The following GRM7 variants were observed in gnomAD, a reference collection of about 807,000 sequenced individuals.
GRM7 encodes metabotropic glutamate receptor 7.
Under a neutral mutation model 84.5 loss-of-function variants are expected in GRM7, and 35 were observed. The observed-to-expected ratio is 0.41, with a 90% CI of 0.32 to 0.55. The LOEUF is 0.55. GRM7 is among the 20% of genes least tolerant of loss of function. The pLI is 0.19. For synonymous variants in GRM7, 487 were observed against 455.1 expected (o/e 1.07, Z -0.89); for missense variants, 1,003 against 1,194.6 (o/e 0.84, Z 2.36).
At chr3:7,020,536 C>G (rs995124742) in intron 1 of GRM7, among the ~76,000 whole-genome samples, 2 of 152,118 alleles carry the variant, frequency 1.3e-5, no homozygotes, top group African/African-American at 4.8e-5. Context: ...CAACCCATAC[C>G]TACTGACATA....
rs78836892 is a variant in GRM7, at chr3:7,016,181, A to C, written c.520-130271A>C. ...TAGCTGAATGCATGGCCTTAGGTAA[A>C]TTACTTTCTTTCTTTGGGTCACATT... On this transcript the variant is annotated intron_variant, in intron 1 of 9. Coordinates refer to ENST00000357716, the MANE Select transcript of GRM7 (RefSeq NM_000844.4). 9.2e-3 allele frequency among the ~76,000 whole-genome samples: 1,403 copies of C among 152,258 alleles called. 19 individuals carry two copies. The highest frequency in any genetic ancestry group is 0.014 in the Non-Finnish European group (976 of 68,030).
At chr3:7,731,904 A>G (rs1702345795) in intron 9 of GRM7, among the ~76,000 whole-genome samples, 1 of 151,984 alleles carries the variant, frequency 6.6e-6, no homozygotes, top group Non-Finnish European at 1.5e-5. Flanking sequence ...GTCCCAACCA[A>G]TCAGCAGCAA....
Position 7,566,103 on chromosome 3 carries a change from GTTTTTTTTTTTTTTTTTT to G in GRM7, c.1516-12307_1516-12290del, listed in dbSNP as rs58178956. Among the ~76,000 whole-genome samples, 3 of 130,024 alleles carry G rather than the reference GTTTTTTTTTTTTTTTTTT, an allele frequency of 2.3e-5. No individual in the cohort carries two copies. In the East Asian group the frequency reaches 6.3e-4, roughly 27 times the overall value. The allele number at this position is 130,024 out of a possible 152,430, so 85.3% of individuals were successfully genotyped here. A position where few individuals can be genotyped will look rare whatever the true frequency, so the allele number is the denominator to read the frequency against. The stretch of plus-strand genomic sequence containing the variant: ...TGTTTTCTTTGGCTCTGAATCAGCT[GTTTTTTTTTTTTTTTTTT>G]TTTTTTTTTTTGTAAAAGATCAGAG... On this transcript the variant is annotated intron_variant, in intron 7 of 9. Transcript: ENST00000357716.
chr3:7,725,338 C>G (rs763255975), intron 9 of GRM7, among the ~76,000 whole-genome samples: 97 of 152,184 alleles, frequency 6.4e-4, no homozygotes, highest in Admixed American at 1.2e-3. Flanking sequence ...ACTGCCTCCA[C>G]AGCCTCTTTT....
At chr3:7,665,397 G>T (rs535081476) in intron 8 of GRM7, among the ~76,000 whole-genome samples, 1 of 151,652 alleles carries the variant, frequency 6.6e-6, no homozygotes, top group Non-Finnish European at 1.5e-5. Flanking sequence ...GGATGGTCTC[G>T]ATCTCCTGAC....
Position 7,613,346 on chromosome 3 carries a change from T to C in GRM7, c.2451+33989T>C, listed in dbSNP as rs140332028. On this transcript the variant is annotated intron_variant, in intron 8 of 9. Transcript: ENST00000357716. ...TTCAAAATTCCAGCCCTAACGTACA[T>C]ATGTCATGCATATTTCAACAAGATT... is the stretch of plus-strand genomic sequence containing the variant. Among the ~76,000 whole-genome samples the C allele has an allele frequency of 4.1e-4, 62 of 152,330 alleles. No individual in the cohort carries two copies. The East Asian group carries it at 9.5e-3, about 23-fold the overall frequency.
At chr3:7,415,907 T>G (rs1696140020) in intron 5 of GRM7, among the ~76,000 whole-genome samples, 1 of 152,142 alleles carries the variant, frequency 6.6e-6, no homozygotes, top group Admixed American at 6.6e-5. Context: ...GTTCTGAGTG[T>G]TATGAGGGCA....
intron 7 of GRM7, among the ~76,000 whole-genome samples, chr3:7,573,278 A>T (rs1304678358): frequency 6.6e-6 from 1 of 152,092 alleles, no homozygotes; most frequent in East Asian, 1.9e-4. Context: ...TCTTTTTTTT[A>T]AATTAGCTGA....
intron 2 of GRM7, among the ~76,000 whole-genome samples, chr3:7,167,739 G>T (rs915550667): frequency 2.6e-5 from 4 of 151,916 alleles, no homozygotes; most frequent in African/African-American, 7.2e-5. Context: ...GGAGGCCGAG[G>T]CGGGCGGATC....
Position 7,136,700 on chromosome 3 carries a change from C to T in GRM7, c.520-9752C>T, listed in dbSNP as rs76865330. ...GGAGCAGGTCAAAGAAATCTGTTCTCTTAGCTTATTCCATTTTATCCATTT... is the reference window on the plus strand; with the variant it reads ...GGAGCAGGTCAAAGAAATCTGTTCTTTTAGCTTATTCCATTTTATCCATTT... On this transcript the variant is annotated intron_variant, in intron 1 of 9. Coordinates refer to ENST00000357716, the MANE Select transcript of GRM7 (RefSeq NM_000844.4). Among the ~76,000 whole-genome samples, 338 of 152,218 alleles carry T rather than the reference C, an allele frequency of 2.2e-3. 3 individuals are homozygous for T. Among genetic ancestry groups the T allele is most frequent in the African/African-American group, 7.7e-3 (322 of 41,568 alleles).
At chr3:6,907,171 C>G (rs1388920668) in intron 1 of GRM7, among the ~76,000 whole-genome samples, 4 of 152,006 alleles carry the variant, frequency 2.6e-5, no homozygotes, top group Non-Finnish European at 5.9e-5. Flanking sequence ...TTTCAATGTG[C>G]TAGAAATACA....
At chr3:7,274,990 A>G (rs891594108) in intron 2 of GRM7, among the ~76,000 whole-genome samples, 1 of 151,446 alleles carries the variant, frequency 6.6e-6, no homozygotes, top group Non-Finnish European at 1.5e-5. Context: ...TTCTCAGTCT[A>G]TTTTTTCTGT....
intron 5 of GRM7, among the ~76,000 whole-genome samples, chr3:7,437,846 T>G (rs1200339891): frequency 6.6e-6 from 1 of 152,098 alleles, no homozygotes; most frequent in African/African-American, 2.4e-5. Context: ...GACCAAACTT[T>G]GAGAATTAGT....
At chr3:7,116,460 TC>T (rs529142991) in intron 1 of GRM7, among the ~76,000 whole-genome samples, 469 of 152,250 alleles carry the variant, frequency 3.1e-3, no homozygotes, top group Middle Eastern at 0.01. Context: ...TCACACATTT[TC>T]ATCCAAGTGT....
chr3:7,176,229 T>TAAAAAAAAAAAA (rs55732650), intron 2 of GRM7, among the ~76,000 whole-genome samples: 12 of 63,142 alleles, frequency 1.9e-4, no homozygotes, highest in African/African-American at 5.1e-4. Context: ...CTATAAAAAG[T>TAAAAAAAAAAAA]AAAAAAAAAA....
intron 4 of GRM7, among the ~76,000 whole-genome samples, chr3:7,307,620 A>G (rs984951903): frequency 4.6e-5 from 7 of 152,186 alleles, no homozygotes; most frequent in Non-Finnish European, 1.0e-4. Context: ...TCTGGAGGAG[A>G]TAAAAATCTC....
At chr3:7,487,932 A>G (rs1294592449) in intron 7 of GRM7, among the ~76,000 whole-genome samples, 1 of 152,154 alleles carries the variant, frequency 6.6e-6, no homozygotes, top group African/African-American at 2.4e-5. Flanking sequence ...GAGCAGCCAT[A>G]TGGGCTGTAC....
chr3:7,600,307 G>A (rs949026138), intron 8 of GRM7, among the ~76,000 whole-genome samples: 4 of 152,168 alleles, frequency 2.6e-5, no homozygotes, highest in African/African-American at 4.8e-5. Context: ...ACAGAGAAAT[G>A]TGGAATAAAT....
At chr3:7,670,559 A>G (rs1206129721) in intron 8 of GRM7, among the ~76,000 whole-genome samples, 1 of 152,138 alleles carries the variant, frequency 6.6e-6, no homozygotes, top group East Asian at 1.9e-4. Context: ...TGCTTAGGAC[A>G]TTTGCTTTTT....
Sources: gnomAD v4.1 joint callset for allele counts (sites outside exome capture counted in the v4.1 genomes callset) on GRCh38, gnomAD v4.1.1 for gene constraint, MANE v1.5 for transcripts, NCBI Gene and HGNC (gene_info 2026-07-23, HGNC 2026-07-21) for gene names.